The following G6PD variants were observed in gnomAD, a reference collection of about 807,000 sequenced individuals.
G6PD encodes glucose-6-phosphate 1-dehydrogenase.
Under a neutral mutation model 38.2 loss-of-function variants are expected in G6PD, and 2 were observed. That is an observed-to-expected ratio of 0.05 (90% confidence interval 0.02 to 0.16). The LOEUF is 0.16. Ranked by LOEUF, G6PD falls within the 10% of genes least tolerant of loss-of-function variation. The pLI is 1.00. For missense variants in G6PD, 310 were observed against 471.6 expected (o/e 0.66, Z 3.17); for synonymous variants, 188 against 196.0 (o/e 0.96, Z 0.34).
Position 154,534,067 on chromosome X carries a change from G to A in G6PD, c.738C>T (p.Arg246=), listed in dbSNP as rs144341068. ...TCCCAAATTCATCGAAATAGCCCCC[G>A]CGACCCTCAGTGCCAAAGGGCTCCT... ...TFKEPFGTEG[R]GGYFDEFGII... is the part of the protein sequence containing the mutation. Residue 246 remains arginine (R), a synonymous_variant, in exon 7 of 13, where the codon CGC becomes CGT. Transcript: ENST00000393562. 2.0e-5 allele frequency: 24 copies of A among 1,209,952 alleles called. No homozygotes were observed. In the African/African-American group the frequency reaches 3.1e-4, roughly 16 times the overall value.
At chrX:154,533,865 T>C in intron 7 of G6PD, 170 bp downstream of exon 7, 1 of 1,197,418 alleles carries the variant, frequency 8.4e-7, no homozygotes, top group Non-Finnish European at 1.1e-6. Context: ...CGTGGGGTGC[T>C]TGGCTGTGTA....
chrX:154,531,826 T>C lies in G6PD; in HGVS notation c.*174A>G. ...AGGATGGTCTCGAGTGCTTGGCAGC[T>C]GAGGAATGTAGCTGGGCTCGGGTAG... On this transcript the variant is annotated 3_prime_UTR_variant, in exon 13 of 13. Coordinates refer to ENST00000393562, the MANE Select transcript of G6PD (RefSeq NM_001360016.2). 2.4e-6 allele frequency: 2 copies of C among 818,346 alleles called. No homozygotes were observed. The highest frequency in any genetic ancestry group is 3.4e-6 in the Non-Finnish European group (2 of 580,296). The allele number at this position is 818,346 out of a possible 1,213,427, so 67.4% of individuals were successfully genotyped here.
At chrX:154,545,890 CG>C in intron 2 of G6PD, 145 bp downstream of exon 2, 1 of 718,261 alleles carries the variant, frequency 1.4e-6, no homozygotes, top group South Asian at 2.3e-5. Flanking sequence ...CAGGTAGAGC[CG>C]GGATGATCCT....
intron 4 of G6PD, 50 bp from the exon 5 acceptor site, chrX:154,535,435 T>G (rs781969785): frequency 6.1e-5 from 66 of 1,088,707 alleles, no homozygotes; most frequent in Non-Finnish European, 8.0e-5. Flanking sequence ...GCCCCTCTCT[T>G]TGAGTCCGTG....
At chrX:154,546,888 G>T (rs782032487), upstream of G6PD, 24 of 1,018,436 alleles carry the variant, frequency 2.4e-5, no homozygotes, top group Non-Finnish European at 2.9e-5. Context: ...GCGGGGGCGG[G>T]GGCGGGCGCC....
At chrX:154,545,891 G>T (rs1230115471) in intron 2 of G6PD, 145 bp downstream of exon 2, 2 of 707,622 alleles carry the variant, frequency 2.8e-6, no homozygotes, top group African/African-American at 2.1e-5. Flanking sequence ...AGGTAGAGCC[G>T]GGATGATCCT....
intron 1 of G6PD, 126 bp downstream of exon 1, chrX:154,546,663 T>G: frequency 3.6e-6 from 2 of 559,212 alleles, no homozygotes; most frequent in Non-Finnish European, 5.5e-6. Flanking sequence ...TATAAAGGGA[T>G]TGGTTAAGAC....
chrX:154,534,294 A>G, intron 6 of G6PD, 44 bp downstream of exon 6: 1 of 1,206,284 alleles, frequency 8.3e-7, no homozygotes, highest in South Asian at 1.8e-5. Context: ...GAGGCTCCTG[A>G]GTACCACCCC....
intron 6 of G6PD, 30 bp from the exon 7 acceptor site, chrX:154,534,190 A>C: frequency 8.3e-7 from 1 of 1,210,790 alleles, no homozygotes; most frequent in Middle Eastern, 2.4e-4. Context: ...GGAGGAACTG[A>C]CCTTGGGCCT....
rs1557229405 is a variant in G6PD at position 154,531,996 on chromosome X, G to A, written c.*4C>T. ...TGGCGGGGGTGGAGGTGGGTGCCCA[G>A]GGCTCAGAGCTTGTGGGGGTTCACC... On this transcript the variant is annotated 3_prime_UTR_variant, in exon 13 of 13. Coordinates refer to ENST00000393562, the MANE Select transcript of G6PD (RefSeq NM_001360016.2). 2 of 1,207,964 alleles carry A rather than the reference G, an allele frequency of 1.7e-6. No homozygotes were observed. The highest frequency in any genetic ancestry group is 2.2e-6 in the Non-Finnish European group (2 of 894,091).
rs2070374267 is a variant in G6PD, at chrX:154,533,965, G to T, written c.770+70C>A. 14 of 1,206,885 alleles carry T rather than the reference G, an allele frequency of 1.2e-5. No individual in the cohort carries two copies. In the South Asian group the frequency reaches 2.3e-4, roughly 20 times the overall value. Reference sequence around the variant, plus strand: ...GGAGGAGCTCCCCCAAGATAGGGAAGAGTAGCCCTGCAGGGTGACTGGCTC... The same window carrying T: ...GGAGGAGCTCCCCCAAGATAGGGAATAGTAGCCCTGCAGGGTGACTGGCTC... On this transcript the variant is annotated intron_variant, in intron 7 of 12. Transcript: ENST00000393562.
At chrX:154,541,600 C>T (rs1557231934) in intron 2 of G6PD, among the ~76,000 whole-genome samples, 1 of 111,909 alleles carries the variant, frequency 8.9e-6, no homozygotes, top group African/African-American at 3.2e-5. Context: ...CAAGAGTCTA[C>T]TCGTGCCATG....
At chrX:154,540,851 C>G (rs2070486364) in intron 2 of G6PD, among the ~76,000 whole-genome samples, 1 of 111,097 alleles carries the variant, frequency 9.0e-6, no homozygotes, top group African/African-American at 3.3e-5. Flanking sequence ...TTCAGGGGCC[C>G]TGCTCCACTT....
intron 2 of G6PD, among the ~76,000 whole-genome samples, chrX:154,537,106 C>T (rs1209081803): frequency 1.8e-5 from 2 of 110,196 alleles, no homozygotes; most frequent in African/African-American, 6.6e-5. Context: ...GAGATCGAGA[C>T]CATCCTGGCT....
Position 154,535,326 on chromosome X carries a change from A to G in G6PD, c.327T>C (p.Ala109=). Residue 109 remains alanine (A), a synonymous_variant, in exon 5 of 13, where the codon GCT becomes GCC. Coordinates refer to ENST00000393562, the MANE Select transcript of G6PD (RefSeq NM_001360016.2). ...EDFFARNSYV[A]GQYDDAASYQ... is the part of the protein sequence containing the mutation. ...AGGAGGCTGCATCATCGTACTGGCC[A>G]GCCACATAGGAGTTGCGGGCAAAGA... The G allele has an allele frequency of 8.2e-7, 1 of 1,212,242 alleles. No homozygotes were observed. Among genetic ancestry groups the G allele is most frequent in the Non-Finnish European group, 1.1e-6 (1 of 895,573 alleles).
Position 154,533,904 on chromosome X carries a change from AT to A in G6PD, c.770+130del. On this transcript the variant is annotated intron_variant, in intron 7 of 12. Coordinates refer to ENST00000393562, the MANE Select transcript of G6PD (RefSeq NM_001360016.2). ...GTCCAGCCCTTTCCAGCCCGGTCTG[AT>A]AGCTCAGACACTTAGGTTTTGAACT... The A allele has an allele frequency of 4.2e-6, 5 of 1,202,117 alleles. No individual in the cohort carries two copies. In the East Asian group the frequency reaches 1.5e-4, roughly 36 times the overall value.
chrX:154,538,057 C>T (rs1389444779), intron 2 of G6PD, among the ~76,000 whole-genome samples: 1 of 106,731 alleles, frequency 9.4e-6, no homozygotes. Context: ...TGCAGTGGCA[C>T]GATCTCAGTT....
chrX:154,537,719 C>T (rs1308418715), intron 2 of G6PD, among the ~76,000 whole-genome samples: 3 of 112,356 alleles, frequency 2.7e-5, no homozygotes, highest in Non-Finnish European at 5.6e-5. Context: ...GTGGGTTCTA[C>T]CAAAATGCAA....
At chrX:154,534,311 G>A (rs781912877) in intron 6 of G6PD, 27 bp downstream of exon 6, 12 of 1,207,851 alleles carry the variant, frequency 9.9e-6, no homozygotes. Context: ...CCCCCACCCT[G>A]GTCCCCCGGC....
Sources: gnomAD v4.1 joint callset for allele counts (sites outside exome capture counted in the v4.1 genomes callset) on GRCh38, gnomAD v4.1.1 for gene constraint, MANE v1.5 for transcripts, NCBI Gene and HGNC (gene_info 2026-07-23, HGNC 2026-07-21) for gene names.